Variants in DNAI1 observed in about 807,000 individuals in gnomAD.
The protein encoded by DNAI1 is dynein, axonemal, intermediate polypeptide 1.
DNAI1 carries 67 observed loss-of-function variants against 92.0 expected under a neutral mutation model. The ratio of observed to expected loss-of-function variants is 0.73; its 90% CI spans 0.60 to 0.89. The LOEUF is 0.89. Ranked by LOEUF, DNAI1 falls within the 40% of genes least tolerant of loss-of-function variation. The pLI is 0.00. For missense variants in DNAI1, 839 were observed against 866.6 expected (o/e 0.97, Z 0.40); for synonymous variants, 323 against 319.6 (o/e 1.01, Z -0.11).
intron 2 of DNAI1, among the ~76,000 whole-genome samples, chr9:34,484,657 T>C (rs966155732): frequency 6.6e-6 from 1 of 152,236 alleles, no homozygotes; most frequent in African/African-American, 2.4e-5. Context: ...CTAATGGGAC[T>C]GTGAGGCTTA....
At chr9:34,490,787 G>A (rs1250674914) in intron 7 of DNAI1, among the ~76,000 whole-genome samples, 1 of 152,114 alleles carries the variant, frequency 6.6e-6, no homozygotes, top group African/African-American at 2.4e-5. Flanking sequence ...GGGAGGGGAG[G>A]CCACAGTGTG....
At chr9:34,512,080 C>T (rs1239853355) in intron 13 of DNAI1, 29 bp from the exon 14 acceptor site, 3 of 1,609,064 alleles carry the variant, frequency 1.9e-6, no homozygotes, top group Non-Finnish European at 2.6e-6. Context: ...TTAGCAGGGT[C>T]CCAGAGCTCA....
rs1232796989 is a variant in DNAI1, at chr9:34,514,742, G to A, written c.1818+3G>A. 4 of 1,613,900 alleles carry A rather than the reference G, an allele frequency of 2.5e-6. No homozygotes were observed. Among genetic ancestry groups the A allele is most frequent in the Non-Finnish European group, 2.5e-6 (3 of 1,179,954 alleles). On this transcript the variant is annotated splice_donor_region_variant and intron_variant, in intron 18 of 19. Coordinates refer to ENST00000242317, the MANE Select transcript of DNAI1 (RefSeq NM_012144.4). ...CAGCAGTCACCACAGATGGGAAGGT[G>A]AGTGCCAGCGTCCTGACTTCACTGA...
intron 1 of DNAI1, among the ~76,000 whole-genome samples, chr9:34,477,528 G>C (rs1412806144): frequency 6.6e-6 from 1 of 152,188 alleles, no homozygotes. Flanking sequence ...ATAATCATTA[G>C]AGTAGAGAGA....
chr9:34,493,080 G>A (rs1824640623), intron 8 of DNAI1, 114 bp from the exon 9 acceptor site: 7 of 1,406,232 alleles, frequency 5.0e-6, no homozygotes, highest in Non-Finnish European at 7.0e-6. Flanking sequence ...CCAAGTAGAA[G>A]ATGCTTGTTG....
rs796874737 is a variant in DNAI1, at chr9:34,461,093, C to T, written c.48+2040C>T. 5.9e-5 allele frequency among the ~76,000 whole-genome samples: 9 copies of T among 152,226 alleles called. No homozygotes were observed. In the South Asian group the frequency reaches 1.7e-3, roughly 28 times the overall value. ...TCCTGACCTCGTGATCTGCCCGCCT[C>T]GGCCTCCCAAAGTGCTGGGATTACA... On this transcript the variant is annotated intron_variant, in intron 1 of 19. Transcript: ENST00000242317.
chr9:34,492,493 G>GAGAGATATAT (rs1271867592), intron 8 of DNAI1, among the ~76,000 whole-genome samples: 3 of 68,258 alleles, frequency 4.4e-5, no homozygotes, highest in South Asian at 4.5e-4. Flanking sequence ...GGGATATGAA[G>GAGAGATATAT]ATATATATAT....
At chr9:34,459,232 A>C (rs1040144495) in intron 1 of DNAI1, among the ~76,000 whole-genome samples, 179 bp downstream of exon 1, 5 of 151,316 alleles carry the variant, frequency 3.3e-5, no homozygotes, top group Non-Finnish European at 7.4e-5. Flanking sequence ...TTTCCCACTA[A>C]TCCCGGCCTC....
intron 19 of DNAI1, 127 bp downstream of exon 19, chr9:34,517,594 C>A: frequency 9.1e-7 from 1 of 1,103,034 alleles, no homozygotes; most frequent in Non-Finnish European, 1.3e-6. Flanking sequence ...AGGATGGTGT[C>A]ATTGCCTGAA....
intron 12 of DNAI1, among the ~76,000 whole-genome samples, chr9:34,502,699 A>G (rs16931560): frequency 0.016 from 2,472 of 152,192 alleles, 59 homozygotes; most frequent in African/African-American, 0.055. Context: ...TCCTTTGGGC[A>G]GGCACTTACC....
chr9:34,485,354 T>C, intron 3 of DNAI1, 83 bp from the exon 4 acceptor site: 1 of 1,589,372 alleles, frequency 6.3e-7, no homozygotes, highest in Non-Finnish European at 8.6e-7. Context: ...AGATGTCTGC[T>C]GATACTCTGA....
intron 13 of DNAI1, 71 bp from the exon 14 acceptor site, chr9:34,512,038 C>A: frequency 6.8e-7 from 1 of 1,466,866 alleles, no homozygotes; most frequent in Non-Finnish European, 9.6e-7. Context: ...CTTGGGGGAG[C>A]CCTGCTCTGC....
At chr9:34,483,750 A>G (rs1023279203) in intron 2 of DNAI1, among the ~76,000 whole-genome samples, 2 of 152,160 alleles carry the variant, frequency 1.3e-5, no homozygotes, top group East Asian at 3.8e-4. Context: ...GAACCAAACT[A>G]TATATGTTAT....
At chr9:34,462,445 T>C (rs957282282) in intron 1 of DNAI1, among the ~76,000 whole-genome samples, 5 of 152,176 alleles carry the variant, frequency 3.3e-5, no homozygotes, top group African/African-American at 1.2e-4. Context: ...TAGGGTGATA[T>C]CCCCTCTAGA....
intron 9 of DNAI1, among the ~76,000 whole-genome samples, chr9:34,494,594 AC>A (rs751940169): frequency 6.6e-6 from 1 of 152,152 alleles, no homozygotes; most frequent in Non-Finnish European, 1.5e-5. Context: ...AACTATAATC[AC>A]CAGGATCTAG....
chr9:34,505,013 A>G (rs549798528), intron 12 of DNAI1, among the ~76,000 whole-genome samples: 87 of 152,268 alleles, frequency 5.7e-4, no homozygotes, highest in African/African-American at 2.1e-3. Context: ...AGTGCCATCT[A>G]TGGGAGCCTC....
intron 1 of DNAI1, among the ~76,000 whole-genome samples, chr9:34,460,151 C>G (rs1823921330): frequency 6.6e-6 from 1 of 152,196 alleles, no homozygotes; most frequent in African/African-American, 2.4e-5. Context: ...CGAGTCATCC[C>G]CCACTTAACC....
intron 10 of DNAI1, among the ~76,000 whole-genome samples, chr9:34,497,723 T>C (rs1186437812): frequency 1.3e-5 from 2 of 152,168 alleles, no homozygotes; most frequent in Non-Finnish European, 2.9e-5. Context: ...GGAGTAGTTA[T>C]GGAAGGCTTT....
chr9:34,470,346 A>G (rs1014029232), intron 1 of DNAI1, among the ~76,000 whole-genome samples: 1 of 152,216 alleles, frequency 6.6e-6, no homozygotes, highest in South Asian at 2.1e-4. Context: ...AAAAACAACT[A>G]TATGTTGCCT....
Sources: gnomAD v4.1 joint callset for allele counts (sites outside exome capture counted in the v4.1 genomes callset) on GRCh38, gnomAD v4.1.1 for gene constraint, MANE v1.5 for transcripts, NCBI Gene and HGNC (gene_info 2026-07-23, HGNC 2026-07-21) for gene names.